Variants in CHD2 observed in about 807,000 individuals in gnomAD.
The protein encoded by CHD2 is chromodomain helicase DNA binding protein 2.
Under a neutral mutation model 243.9 loss-of-function variants are expected in CHD2, and 28 were observed. The ratio of observed to expected loss-of-function variants is 0.11; its 90% CI spans 0.09 to 0.16. The LOEUF (loss-of-function observed/expected upper bound fraction) is 0.16. Ranked by LOEUF, CHD2 falls within the 10% of genes least tolerant of loss-of-function variation. The pLI is 1.00. For synonymous variants in CHD2, 775 were observed against 779.0 expected, an observed-to-expected ratio of 0.99 and a Z score of 0.09; for missense variants, 1,386 against 2,209.8, an observed-to-expected ratio of 0.63 and a Z score of 7.47.
intron 13 of CHD2, 50 bp from the exon 14 acceptor site, chr15:92,953,307 T>C (rs1197055682): frequency 3.3e-6 from 5 of 1,496,272 alleles, no homozygotes; most frequent in Non-Finnish European, 4.6e-6. Context: ...CATTCTGTGT[T>C]TTGGTGAACT....
intron 2 of CHD2, among the ~76,000 whole-genome samples, chr15:92,909,991 C>T (rs1567119472): frequency 6.6e-6 from 1 of 150,922 alleles, no homozygotes; most frequent in South Asian, 2.1e-4. Context: ...TATATATATA[C>T]ACATATATAC....
intron 2 of CHD2, chr15:92,901,562 CTGTAA>C (rs2052529327): frequency 6.3e-6 from 3 of 477,060 alleles, no homozygotes; most frequent in East Asian, 3.3e-5. Flanking sequence ...GGGGCCTTTA[CTGTAA>C]TGTACAGTTT....
In CHD2 at chr15:92,980,919, A is replaced by T; in HGVS notation, c.2973+8A>T. On this transcript the variant is annotated splice_region_variant and intron_variant, in intron 23 of 38. Transcript: ENST00000394196. ...GAGGAATCAGAACCTCAGGTAATTA[A>T]CAATGAGGAGAGGGAAATTTTTTTG... The T allele has an allele frequency of 9.4e-6, 15 of 1,598,240 alleles. No individual in the cohort carries two copies. The highest frequency in any genetic ancestry group is 1.3e-5 in the Non-Finnish European group (15 of 1,166,338).
Position 92,984,453 on chromosome 15 carries a change from C to T in CHD2, c.3190C>T (p.Leu1064=), listed in dbSNP as rs752339272. Residue 1064 remains leucine, a synonymous_variant, in exon 25 of 39, where the codon CTA becomes TTA. Transcript: ENST00000394196. ...AGAGGAGGAAGAGCGGCAGAAGGAG[C>T]TAGAAGAAATTTATATGCTGCCTCG... ...KVEEEERQKE[L]EEIYMLPRIR... The T allele has an allele frequency of 6.2e-7, 1 of 1,611,840 alleles. No individual in the cohort carries two copies. The highest frequency in any genetic ancestry group is 1.1e-5 in the South Asian group (1 of 90,724).
intron 12 of CHD2, among the ~76,000 whole-genome samples, chr15:92,948,654 A>C (rs1271996044): frequency 6.6e-6 from 1 of 152,140 alleles, no homozygotes; most frequent in Non-Finnish European, 1.5e-5. Context: ...TAGCATGGTG[A>C]AACCCCATCT....
chr15:93,008,651 C>A (rs1373939412), intron 34 of CHD2, among the ~76,000 whole-genome samples: 16 of 152,134 alleles, frequency 1.1e-4, no homozygotes, highest in Non-Finnish European at 1.5e-5. Flanking sequence ...AGGACAGTCC[C>A]TTTACCATTG....
chr15:93,013,450 T>C (rs909746896), intron 36 of CHD2, among the ~76,000 whole-genome samples: 1 of 152,146 alleles, frequency 6.6e-6, no homozygotes, highest in African/African-American at 2.4e-5. Context: ...CAGTATAAGC[T>C]GAATAACAAA....
chr15:92,989,889 T>A (rs1276511609), intron 26 of CHD2, among the ~76,000 whole-genome samples: 3 of 152,188 alleles, frequency 2.0e-5, no homozygotes, highest in African/African-American at 4.8e-5. Flanking sequence ...GAAGGACCCT[T>A]TGAGATCTTT....
chr15:93,000,400 T>G, intron 31 of CHD2, 112 bp from the exon 32 acceptor site: 7 of 1,128,020 alleles, frequency 6.2e-6, no homozygotes, highest in Non-Finnish European at 8.5e-6. Context: ...CTTTGGAATT[T>G]TCTTGTTTGA....
intron 2 of CHD2, among the ~76,000 whole-genome samples, chr15:92,908,069 G>T (rs1245706872): frequency 6.9e-6 from 1 of 145,778 alleles, no homozygotes; most frequent in African/African-American, 2.6e-5. Context: ...ACTCTTCCTG[G>T]ACTACAACAG....
chr15:92,946,224 G>A lies in CHD2; in HGVS notation c.1377+8G>A. The A allele has an allele frequency of 1.9e-6, 3 of 1,597,674 alleles. No individual in the cohort carries two copies. Among genetic ancestry groups the A allele is most frequent in the Non-Finnish European group, 2.6e-6 (3 of 1,170,030 alleles). The stretch of plus-strand genomic sequence containing the variant: ...CCAACAAGAGAATGCAAGGTATGGT[G>A]ATGGTTGGCTTTTGTTTTTTCAGGG... On this transcript the variant is annotated splice_region_variant and intron_variant, in intron 12 of 38. Coordinates refer to ENST00000394196, the MANE Select transcript of CHD2 (RefSeq NM_001271.4).
intron 2 of CHD2, chr15:92,904,598 C>T: frequency 2.7e-6 from 3 of 1,129,874 alleles, no homozygotes; most frequent in East Asian, 6.3e-5. Context: ...GGTCCGCACC[C>T]TGTAGTGTGT....
intron 2 of CHD2, among the ~76,000 whole-genome samples, chr15:92,907,177 T>C (rs970127401): frequency 1.3e-5 from 2 of 152,216 alleles, no homozygotes; most frequent in Admixed American, 1.3e-4. Flanking sequence ...CTGAATATAT[T>C]TGAGCCCTGA....
chr15:93,009,019 C>T lies in CHD2; in HGVS notation c.4414-126C>T, dbSNP rs2054357673. ...ACTTACTCCACTGCACTAGCTTTACCCACTCTTCCTCTAGCAATTATATGG... is the reference window on the plus strand; with the variant it reads ...ACTTACTCCACTGCACTAGCTTTACTCACTCTTCCTCTAGCAATTATATGG... On this transcript the variant is annotated intron_variant, in intron 34 of 38. Transcript: ENST00000394196. 4 of 1,067,792 alleles carry T rather than the reference C, an allele frequency of 3.7e-6. No individual in the cohort carries two copies. In the South Asian group the frequency reaches 6.4e-5, roughly 17 times the overall value. 66.1% of individuals were successfully genotyped at this position (1,067,792 alleles called of 1,614,324 possible). A position where few individuals can be genotyped will look rare whatever the true frequency, so the allele number is the denominator to read the frequency against.
intron 2 of CHD2, chr15:92,901,600 T>G: frequency 2.3e-6 from 1 of 441,364 alleles, no homozygotes; most frequent in Non-Finnish European, 4.0e-6. Flanking sequence ...ATTTCAGTTT[T>G]TAGGTTTTTG....
chr15:92,941,058 G>A (rs1030112057), intron 7 of CHD2, among the ~76,000 whole-genome samples: 10 of 146,436 alleles, frequency 6.8e-5, no homozygotes, highest in African/African-American at 2.5e-4. Flanking sequence ...CTAGAGTGCA[G>A]TGGCGCGATC....
chr15:92,941,159 G>A (rs973637817), intron 7 of CHD2, among the ~76,000 whole-genome samples: 2 of 150,772 alleles, frequency 1.3e-5, no homozygotes, highest in African/African-American at 2.4e-5. Flanking sequence ...CCACCATGCC[G>A]GCTAATTTTT....
At chr15:92,951,795 T>C (rs1415335781) in intron 13 of CHD2, among the ~76,000 whole-genome samples, 1 of 152,184 alleles carries the variant, frequency 6.6e-6, no homozygotes, top group Non-Finnish European at 1.5e-5. Flanking sequence ...CTGAGATGTA[T>C]AGGGGTATGG....
intron 22 of CHD2, among the ~76,000 whole-genome samples, chr15:92,979,661 A>T (rs1026841825): frequency 2.6e-5 from 4 of 151,864 alleles, no homozygotes; most frequent in African/African-American, 9.7e-5. Context: ...CTATTGGCAA[A>T]AATGTTTGTG....
Sources: gnomAD v4.1 joint callset for allele counts (sites outside exome capture counted in the v4.1 genomes callset) on GRCh38, gnomAD v4.1.1 for gene constraint, MANE v1.5 for transcripts, NCBI Gene and HGNC (gene_info 2026-07-23, HGNC 2026-07-21) for gene names.